The following SMARCE1 variants were observed in gnomAD, a reference collection of about 807,000 sequenced individuals.
SMARCE1 encodes SWI/SNF related BAF chromatin remodeling complex subunit E1.
A neutral mutation model predicts 54.9 loss-of-function variants in SMARCE1; 13 were observed. The ratio of observed to expected loss-of-function variants is 0.24; its 90% CI spans 0.15 to 0.38. The LOEUF is 0.38. Ranked by LOEUF, SMARCE1 falls within the 10% of genes least tolerant of loss-of-function variation. The pLI, the probability that SMARCE1 is intolerant of heterozygous loss-of-function variation, is 1.00. For synonymous variants in SMARCE1, 151 were observed against 175.3 expected (o/e 0.86, Z 1.10); for missense variants, 295 against 523.8 (o/e 0.56, Z 4.26).
chr17:40,633,746 T>TG (rs2037119306), intron 7 of SMARCE1: 1 of 152,264 alleles, frequency 6.6e-6, no homozygotes, highest in Non-Finnish European at 1.5e-5. Flanking sequence ...GTAATTTCTT[T>TG]AGGAAATAAA....
rs1597752252 is a variant in SMARCE1, at chr17:40,646,217, A to G, written c.-45-370T>C. ...AGGGTCCAACGCAACAAGGCCTACCAGATACTGACAGCTCCCTGATCAGCA... is the reference window on the plus strand; with the variant it reads ...AGGGTCCAACGCAACAAGGCCTACCGGATACTGACAGCTCCCTGATCAGCA... On this transcript the variant is annotated intron_variant, in intron 1 of 10. Transcript: ENST00000348513. Among the ~76,000 whole-genome samples the G allele has an allele frequency of 3.9e-5, 6 of 152,364 alleles. No homozygotes were observed. The South Asian group carries it at 1.2e-3, about 32-fold the overall frequency.
rs1567844502 is a variant in SMARCE1 at position 40,628,378 on chromosome 17, AAG to A, written c.*405_*406del. 1 of 170,110 alleles carries A rather than the reference AAG, an allele frequency of 5.9e-6. No individual in the cohort carries two copies. The highest frequency in any genetic ancestry group is 2.4e-5 in the African/African-American group (1 of 41,670). 10.5% of individuals were successfully genotyped at this position (170,110 alleles called of 1,614,324 possible). ...GAAGCTACCCTTTGCAGAAGTAAAC[AAG>A]AGAGGAGACTTTCAGGAAGCTACTG... On this transcript the variant is annotated 3_prime_UTR_variant, in exon 11 of 11. Transcript: ENST00000348513.
intron 4 of SMARCE1, among the ~76,000 whole-genome samples, chr17:40,638,884 C>G (rs936641979): frequency 1.3e-5 from 2 of 152,170 alleles, no homozygotes; most frequent in African/African-American, 4.8e-5. Flanking sequence ...GGACCCCAAT[C>G]ATAACCTTAT....
At chr17:40,636,166 TTA>T in intron 6 of SMARCE1, 64 bp from the exon 7 acceptor site, 1 of 1,336,440 alleles carries the variant, frequency 7.5e-7, no homozygotes, top group Non-Finnish European at 1.0e-6. Flanking sequence ...CAGACCTATG[TTA>T]TCTCACTTGA....
At position 40,635,935 on chromosome 17, in the gene SMARCE1, TG is replaced by T; in HGVS notation, c.536del (p.Pro179GlnfsTer10). 6.4e-7 allele frequency: 1 copy of T among 1,566,590 alleles called. No individual in the cohort carries two copies. Among genetic ancestry groups the T allele is most frequent in the Non-Finnish European group, 8.6e-7 (1 of 1,158,786 alleles). ...PYMSIQPAEDPDDYDDGFSMK... is the reference protein window; with the variant it reads ...PYMSIQPAEDXDDYDDGFSMK... The stretch of plus-strand genomic sequence containing the variant: ...ACCCCACTTTTTTTCTTTTACCATC[TG>T]GATCTTCAGCAGGCTGAATGCTCAT... On this transcript the variant is annotated frameshift_variant, in exon 7 of 11. Coordinates refer to ENST00000348513, the MANE Select transcript of SMARCE1 (RefSeq NM_003079.5). LOFTEE classifies it high-confidence loss of function.
chr17:40,637,666 C>T, intron 4 of SMARCE1, 94 bp from the exon 5 acceptor site: 1 of 865,536 alleles, frequency 1.2e-6, no homozygotes. Flanking sequence ...ATGCGCCTTT[C>T]TTCTATTCGT....
At chr17:40,645,732 C>A in intron 2 of SMARCE1, 64 bp downstream of exon 2, 1 of 1,089,972 alleles carries the variant, frequency 9.2e-7, no homozygotes, top group Non-Finnish European at 1.3e-6. Context: ...TTTTGGAATT[C>A]CCACTTGCTA....
chr17:40,629,821 T>C (rs965743772), intron 10 of SMARCE1: 1 of 381,612 alleles, frequency 2.6e-6, no homozygotes, highest in African/African-American at 2.1e-5. Context: ...CCAAATTCAT[T>C]ACAATAAAAA....
chr17:40,644,286 AAAT>A (rs1274901125), intron 3 of SMARCE1: 13 of 152,172 alleles, frequency 8.5e-5, no homozygotes, highest in African/African-American at 2.9e-4. Flanking sequence ...AAGGTAGCAT[AAAT>A]AATAAGAATC....
chr17:40,629,848 C>G (rs1375341792), intron 10 of SMARCE1: 1 of 369,246 alleles, frequency 2.7e-6, no homozygotes, highest in East Asian at 3.9e-5. Flanking sequence ...TCATACAAAA[C>G]AGAAAGAGAC....
intron 4 of SMARCE1, chr17:40,641,529 G>C (rs1390620758): frequency 6.6e-6 from 1 of 152,062 alleles, no homozygotes; most frequent in Non-Finnish European, 1.5e-5. Context: ...ATTAATAGAA[G>C]GCACTTGTTA....
At position 40,628,819 on chromosome 17, in the gene SMARCE1, G is replaced by T; in HGVS notation, c.1202C>A (p.Thr401Lys). 6.2e-7 allele frequency: 1 copy of T among 1,613,690 alleles called. No individual in the cohort carries two copies. Among genetic ancestry groups the T allele is most frequent in the Non-Finnish European group, 8.5e-7 (1 of 1,179,704 alleles). ...SNSATVEEPP[T>K]DPIPEDEKKE The stretch of plus-strand genomic sequence containing the variant: ...TTTCTCATCTTCTGGTATGGGATCT[G>T]TTGGTGGCTCCTCCACTGTTGCACT... The change falls in exon 11 of 11, where the codon ACA (threonine) becomes AAA (lysine). Residue 401 changes from threonine (T) to lysine (K), a missense_variant. Around this residue, in one of 5 missense-constraint regions of SMARCE1, gnomAD observed 147 missense variants for 161.4 expected, o/e 0.91. Transcript: ENST00000348513.
Position 40,631,860 on chromosome 17 carries a change from G to A in SMARCE1, c.715-167C>T, listed in dbSNP as rs143076072. 430 of 576,078 alleles carry A rather than the reference G, an allele frequency of 7.5e-4. 1 individual carries two copies. The African/African-American group carries it at 7.5e-3, about 10-fold the overall frequency. 35.7% of individuals were successfully genotyped at this position (576,078 alleles called of 1,614,324 possible). ...ACAAAGAAATGATTATGATCAATAG[G>A]TAAATGTTAAAGAATACTGTTTCAG... On this transcript the variant is annotated intron_variant, in intron 8 of 10. Transcript: ENST00000348513.
At chr17:40,632,601 G>A in intron 7 of SMARCE1, 1 of 430,048 alleles carries the variant, frequency 2.3e-6, no homozygotes, top group Non-Finnish European at 4.1e-6. Context: ...ATAATGTTGT[G>A]TCTGAGAAGG....
intron 5 of SMARCE1, chr17:40,637,054 A>T (rs1226272054): frequency 6.3e-6 from 1 of 158,444 alleles, no homozygotes; most frequent in East Asian, 1.9e-4. Context: ...AAAAAGGAAA[A>T]CTTGAGGAAA....
At chr17:40,631,558 T>C in intron 9 of SMARCE1, 34 bp downstream of exon 9, 1 of 1,045,916 alleles carries the variant, frequency 9.6e-7, no homozygotes, top group Non-Finnish European at 1.5e-6. Flanking sequence ...ACAGGTATAG[T>C]GATAAAAGTA....
intron 1 of SMARCE1, among the ~76,000 whole-genome samples, chr17:40,646,627 A>AT (rs1357966847): frequency 6.6e-6 from 1 of 152,078 alleles, no homozygotes; most frequent in Non-Finnish European, 1.5e-5. Flanking sequence ...TTCTTAGGAA[A>AT]TTTTTTCCTA....
chr17:40,632,162 C>T lies in SMARCE1; in HGVS notation c.714+33G>A, dbSNP rs753396901. ...TCACCTGGGATTTGTGGTATAGGCA[C>T]ATCTTATTGAAATGAATGTTTTATG... On this transcript the variant is annotated intron_variant, in intron 8 of 10. Coordinates refer to ENST00000348513, the MANE Select transcript of SMARCE1 (RefSeq NM_003079.5). The T allele has an allele frequency of 2.1e-5, 33 of 1,549,250 alleles. 4 individuals are homozygous for T. The South Asian group carries it at 3.7e-4, about 17-fold the overall frequency.
In SMARCE1 at chr17:40,632,541, G is replaced by A. The variant is rs189790463; in HGVS notation, c.542-174C>T. The A allele has an allele frequency of 2.1e-4, 121 of 575,406 alleles. 1 individual carries two copies. The East Asian group carries it at 2.4e-3, about 11-fold the overall frequency. 35.6% of individuals were successfully genotyped at this position (575,406 alleles called of 1,614,324 possible). ...ACTTGATAAAAACCATACAGAGGAC[G>A]TAATGTGTTCATTGGCCAAGGTAGT... On this transcript the variant is annotated intron_variant, in intron 7 of 10. Transcript: ENST00000348513.
Sources: gnomAD v4.1 joint callset for allele counts (sites outside exome capture counted in the v4.1 genomes callset) on GRCh38, gnomAD v4.1.1 for gene constraint, gnomAD v4.1.1 regional missense constraint, MANE v1.5 for transcripts, NCBI Gene and HGNC (gene_info 2026-07-23, HGNC 2026-07-21) for gene names.